Variants in ARB2A observed in about 807,000 individuals in gnomAD.
The protein encoded by ARB2A is cotranscriptional regulator ARB2A.
At chr5:93,805,472 T>G in the ARB2A span, 1 of 985,138 alleles carries the variant, frequency 1.0e-6, no homozygotes, top group Non-Finnish European at 1.2e-6. Context: ...ACCATTCCCC[T>G]GCACAGAAGA....
At chr5:93,680,062 G>A in the ARB2A span, among the ~76,000 whole-genome samples, 13 of 152,036 alleles carry the variant, frequency 8.6e-5, no homozygotes, top group Non-Finnish European at 1.8e-4. Context: ...GACAACTGGA[G>A]CTTTCACATT....
chr5:93,967,887 C>T, the ARB2A span, among the ~76,000 whole-genome samples: 1 of 152,008 alleles, frequency 6.6e-6, no homozygotes, highest in Non-Finnish European at 1.5e-5. Flanking sequence ...CCCTAAGTTA[C>T]CACCATATCA....
At chr5:94,014,029 T>TCCTG in the ARB2A span, among the ~76,000 whole-genome samples, 1 of 152,040 alleles carries the variant, frequency 6.6e-6, no homozygotes, top group Non-Finnish European at 1.5e-5. Context: ...CTGGCAAAAA[T>TCCTG]CCTGCCCCTG....
At chr5:93,833,223 G>A in the ARB2A span, among the ~76,000 whole-genome samples, 2 of 152,110 alleles carry the variant, frequency 1.3e-5, no homozygotes, top group Non-Finnish European at 2.9e-5. Context: ...TACAAGGCAT[G>A]CTACAGGCAT....
the ARB2A span, among the ~76,000 whole-genome samples, chr5:93,874,236 T>C: frequency 3.9e-5 from 6 of 152,190 alleles, no homozygotes; most frequent in African/African-American, 9.7e-5. Flanking sequence ...CTAAAAGGCT[T>C]GAAAGCTCAT....
the ARB2A span, among the ~76,000 whole-genome samples, chr5:93,942,036 T>C: frequency 6.6e-6 from 1 of 152,166 alleles, no homozygotes; most frequent in African/African-American, 2.4e-5. Flanking sequence ...CAGAAGGTAA[T>C]TGGATTTTCA....
the ARB2A span, among the ~76,000 whole-genome samples, chr5:93,935,772 T>C: frequency 6.6e-6 from 1 of 152,234 alleles, no homozygotes; most frequent in Non-Finnish European, 1.5e-5. Flanking sequence ...CATTTTATTC[T>C]TATGTAAAAC....
chr5:94,022,495 G>C, the ARB2A span, among the ~76,000 whole-genome samples: 1 of 152,202 alleles, frequency 6.6e-6, no homozygotes, highest in African/African-American at 2.4e-5. Context: ...AGCCCTAGGA[G>C]GCTGTCATGG....
the ARB2A span, among the ~76,000 whole-genome samples, chr5:93,900,447 C>T: frequency 7.2e-5 from 11 of 151,760 alleles, no homozygotes; most frequent in East Asian, 5.8e-4. Context: ...CCCGTCTCTA[C>T]GAAAAATACA....
At chr5:94,063,441 T>A in the ARB2A span, among the ~76,000 whole-genome samples, 1 of 152,146 alleles carries the variant, frequency 6.6e-6, no homozygotes, top group Non-Finnish European at 1.5e-5. Flanking sequence ...GTCCTACTAC[T>A]GCTACTACCA....
At chr5:93,922,274 T>A in the ARB2A span, among the ~76,000 whole-genome samples, 2 of 151,760 alleles carry the variant, frequency 1.3e-5, no homozygotes, top group Non-Finnish European at 2.9e-5. Context: ...AAGGAGATTG[T>A]GGATATGGGG....
the ARB2A span, among the ~76,000 whole-genome samples, chr5:93,717,617 T>C: frequency 1.3e-5 from 2 of 152,140 alleles, no homozygotes; most frequent in African/African-American, 4.8e-5. Flanking sequence ...GTAAATGGAT[T>C]AATGACAGCT....
chr5:93,733,364 C>G, the ARB2A span: 1 of 152,040 alleles, frequency 6.6e-6, no homozygotes, highest in African/African-American at 2.4e-5. Flanking sequence ...CCACACGCAG[C>G]TAACTTTTGT....
the ARB2A span, among the ~76,000 whole-genome samples, chr5:93,961,739 A>C: frequency 6.6e-6 from 1 of 152,164 alleles, no homozygotes; most frequent in Non-Finnish European, 1.5e-5. Context: ...ACTGCTAAAT[A>C]ATTTTTAAGG....
the ARB2A span, among the ~76,000 whole-genome samples, chr5:93,638,965 CT>C: frequency 4.9e-4 from 75 of 152,248 alleles, no homozygotes; most frequent in Middle Eastern, 3.4e-3. Flanking sequence ...AATAATTTCA[CT>C]TTTTTTCTTT....
the ARB2A span, among the ~76,000 whole-genome samples, chr5:93,637,552 G>T: frequency 6.6e-6 from 1 of 152,040 alleles, no homozygotes; most frequent in Non-Finnish European, 1.5e-5. Flanking sequence ...TCAAGAAACT[G>T]GCCCACTATT....
At chr5:94,010,534 T>C in the ARB2A span, among the ~76,000 whole-genome samples, 1 of 152,152 alleles carries the variant, frequency 6.6e-6, no homozygotes, top group Non-Finnish European at 1.5e-5. Context: ...CTTCAAGCAG[T>C]TGATGCTTTC....
At chr5:93,775,932 C>T in the ARB2A span, among the ~76,000 whole-genome samples, 2 of 152,166 alleles carry the variant, frequency 1.3e-5, no homozygotes, top group Non-Finnish European at 2.9e-5. Flanking sequence ...CTATACTACT[C>T]TTGAATTGTT....
At chr5:93,621,662 G>T in the ARB2A span, among the ~76,000 whole-genome samples, 2 of 152,234 alleles carry the variant, frequency 1.3e-5, no homozygotes, top group Non-Finnish European at 2.9e-5. Context: ...CAAGGGGGTG[G>T]TGTGGAGGGG....
Sources: allele counts gnomAD v4.1 joint callset (sites outside exome capture counted in the v4.1 genomes callset), GRCh38; gene constraint gnomAD v4.1.1; transcripts MANE v1.5; gene names NCBI Gene and HGNC (gene_info 2026-07-23, HGNC 2026-07-21).